Variants in CFAP61 observed in about 807,000 individuals in gnomAD.
CFAP61 encodes the protein cilia- and flagella-associated protein 61.
In CFAP61, 107 loss-of-function variants were observed where a neutral mutation model predicts 135.6. The ratio of observed to expected loss-of-function variants is 0.79; its 90% CI spans 0.67 to 0.93. The LOEUF is 0.93. CFAP61 is among the 40% of genes least tolerant of loss of function. The pLI is 0.00. For missense variants in CFAP61, 1,507 were observed against 1,556.2 expected, an observed-to-expected ratio of 0.97 and a Z score of 0.53; for synonymous variants, 575 against 578.5, an observed-to-expected ratio of 0.99 and a Z score of 0.09.
chr20:20,150,383 T>TC (rs1466309364), intron 9 of CFAP61, among the ~76,000 whole-genome samples: 1 of 152,098 alleles, frequency 6.6e-6, no homozygotes, highest in African/African-American at 2.4e-5. Flanking sequence ...CAAGCTTATA[T>TC]CCCCCTTCTA....
intron 24 of CFAP61, among the ~76,000 whole-genome samples, chr20:20,296,557 A>G (rs1282188246): frequency 6.7e-6 from 1 of 150,210 alleles, no homozygotes; most frequent in Non-Finnish European, 1.5e-5. Context: ...CAAAAAATCT[A>G]GTTCCTTGCC....
chr20:20,355,467 G>A (rs1602167961), intron 26 of CFAP61, among the ~76,000 whole-genome samples: 2 of 73,448 alleles, frequency 2.7e-5, no homozygotes, highest in African/African-American at 9.5e-5. Context: ...TGGTCACACT[G>A]AGGGGAGGTG....
intron 25 of CFAP61, among the ~76,000 whole-genome samples, chr20:20,337,304 G>A (rs1445087498): frequency 2.6e-5 from 3 of 113,528 alleles, no homozygotes; most frequent in Non-Finnish European, 3.8e-5. Flanking sequence ...ATGGATGGAT[G>A]GATGGATGGA....
chr20:20,320,444 A>T (rs1277158989), intron 25 of CFAP61, among the ~76,000 whole-genome samples: 2 of 112,494 alleles, frequency 1.8e-5, no homozygotes, highest in African/African-American at 9.1e-5. Context: ...TAATATATGT[A>T]ATATATATTA....
chr20:20,071,282 G>A (rs1350218068), intron 3 of CFAP61, among the ~76,000 whole-genome samples: 1 of 152,158 alleles, frequency 6.6e-6, no homozygotes, highest in Non-Finnish European at 1.5e-5. Flanking sequence ...TCAAACGTGT[G>A]CTTCCAGGTC....
At chr20:20,276,479 T>A (rs2053775684) in intron 21 of CFAP61, among the ~76,000 whole-genome samples, 1 of 152,244 alleles carries the variant, frequency 6.6e-6, no homozygotes, top group Non-Finnish European at 1.5e-5. Flanking sequence ...CTGTAGTCTT[T>A]TTGAGAAATG....
At chr20:20,073,373 C>A (rs984225610) in intron 3 of CFAP61, among the ~76,000 whole-genome samples, 1 of 152,224 alleles carries the variant, frequency 6.6e-6, no homozygotes, top group Non-Finnish European at 1.5e-5. Context: ...CCGTACAATT[C>A]TTTCCGAGTG....
At chr20:20,149,465 C>A (rs1038323872) in intron 9 of CFAP61, among the ~76,000 whole-genome samples, 5 of 152,280 alleles carry the variant, frequency 3.3e-5, no homozygotes, top group Non-Finnish European at 5.9e-5. Context: ...CAAAAGAAAC[C>A]ACAGATCCTT....
At chr20:20,230,468 C>T (rs1335997524) in intron 18 of CFAP61, among the ~76,000 whole-genome samples, 2 of 152,154 alleles carry the variant, frequency 1.3e-5, no homozygotes, top group Non-Finnish European at 2.9e-5. Context: ...ACAGTTTTCA[C>T]CCAACACTGA....
intron 17 of CFAP61, among the ~76,000 whole-genome samples, chr20:20,203,248 G>A (rs1470998631): frequency 6.6e-6 from 1 of 152,112 alleles, no homozygotes. Flanking sequence ...TCATAGTAAT[G>A]TCTCCACAGT....
chr20:20,250,797 TTAAA>T (rs1435258605), intron 19 of CFAP61, among the ~76,000 whole-genome samples: 1 of 152,116 alleles, frequency 6.6e-6, no homozygotes, highest in East Asian at 1.9e-4. Flanking sequence ...ACAAAACTGT[TTAAA>T]TAAACCCAAA....
intron 22 of CFAP61, among the ~76,000 whole-genome samples, 169 bp downstream of exon 22, chr20:20,277,627 A>G (rs974738910): frequency 3.3e-5 from 5 of 152,226 alleles, no homozygotes; most frequent in Admixed American, 1.3e-4. Flanking sequence ...CCCCAGACTC[A>G]GTGGCATAAA....
chr20:20,305,233 A>G (rs1188368551), intron 25 of CFAP61, among the ~76,000 whole-genome samples: 2 of 152,172 alleles, frequency 1.3e-5, no homozygotes, highest in African/African-American at 4.8e-5. Context: ...TGCCATTACC[A>G]TTTTGAACTG....
chr20:20,117,154 G>A (rs1362572840), intron 8 of CFAP61, among the ~76,000 whole-genome samples: 1 of 152,074 alleles, frequency 6.6e-6, no homozygotes, highest in Non-Finnish European at 1.5e-5. Flanking sequence ...TCAGGAGTTC[G>A]AGACCAGCCT....
intron 12 of CFAP61, among the ~76,000 whole-genome samples, chr20:20,168,949 G>A (rs943774908): frequency 4.6e-5 from 7 of 152,350 alleles, no homozygotes; most frequent in Admixed American, 2.6e-4. Flanking sequence ...AGGTCACTTA[G>A]TAAGCAAGGG....
rs186357392 is a variant in CFAP61, at chr20:20,342,032, A to T, written c.3513+111A>T. ...TTCCCATTTTATGGTTTTACTTTTT[A>T]AAACAACAGTATCTCATATAAACAA... On this transcript the variant is annotated intron_variant, in intron 26 of 26. Transcript: ENST00000245957. 1,079 of 675,206 alleles carry T rather than the reference A, an allele frequency of 1.6e-3. 3 individuals are homozygous for T. Among genetic ancestry groups the T allele is most frequent in the Non-Finnish European group, 2.3e-3 (905 of 399,570 alleles). 41.8% of individuals were successfully genotyped at this position (675,206 alleles called of 1,614,324 possible).
intron 9 of CFAP61, among the ~76,000 whole-genome samples, chr20:20,151,853 C>T (rs1273562365): frequency 5.5e-5 from 4 of 72,498 alleles, no homozygotes; most frequent in Admixed American, 4.8e-4. Context: ...AAAAAAGAAG[C>T]TCAAAGAACA....
Position 20,360,580 on chromosome 20 carries a change from A to C in CFAP61, c.*170A>C. ...TATGCCTGTAGTTTTCTATCATCCC[A>C]GTAGGTGGCACACGGCCGTGTGCCT... On this transcript the variant is annotated 3_prime_UTR_variant, in exon 27 of 27. Coordinates refer to ENST00000245957, the MANE Select transcript of CFAP61 (RefSeq NM_015585.4). 1 of 616,862 alleles carries C rather than the reference A, an allele frequency of 1.6e-6. No individual in the cohort carries two copies. 38.2% of individuals were successfully genotyped at this position (616,862 alleles called of 1,614,324 possible).
At chr20:20,194,511 C>T (rs1337193300) in intron 15 of CFAP61, among the ~76,000 whole-genome samples, 1 of 152,178 alleles carries the variant, frequency 6.6e-6, no homozygotes, top group Non-Finnish European at 1.5e-5. Flanking sequence ...TTTGTCTTCT[C>T]TGCAGTAAGT....
Sources: gnomAD v4.1 joint callset for allele counts (sites outside exome capture counted in the v4.1 genomes callset) on GRCh38, gnomAD v4.1.1 for gene constraint, MANE v1.5 for transcripts, NCBI Gene and HGNC (gene_info 2026-07-23, HGNC 2026-07-21) for gene names.